Variants in GBA2 observed in about 807,000 individuals in gnomAD.
GBA2 encodes glucosylceramidase beta 2, also known as non-lysosomal glucosylceramidase.
A neutral mutation model predicts 112.9 loss-of-function variants in GBA2; 79 were observed. That is an observed-to-expected ratio of 0.70 (90% CI 0.58 to 0.84). The LOEUF (loss-of-function observed/expected upper bound fraction) is 0.84, where lower values mean the gene tolerates loss of function less well. Ranked by LOEUF, GBA2 falls within the 40% of genes least tolerant of loss-of-function variation. The pLI is 0.00. For synonymous variants in GBA2, 403 were observed against 434.3 expected, an observed-to-expected ratio of 0.93 and a Z score of 0.90; for missense variants, 1,043 against 1,190.0, an observed-to-expected ratio of 0.88 and a Z score of 1.82.
chr9:35,747,687 C>G (rs1827043948), intron 1 of GBA2, among the ~76,000 whole-genome samples: 1 of 152,236 alleles, frequency 6.6e-6, no homozygotes, highest in African/African-American at 2.4e-5. Flanking sequence ...CTCCTCATCA[C>G]TAGTCTTTGA....
rs190752684 is a variant in GBA2 at position 35,742,258 on chromosome 9, C to A, written c.568-368G>T. ...CCCCATGGCCCTCAGGCTAAAGTCT[C>A]AACTCTTGCCTGGCTTTCAAGGCCC... On this transcript the variant is annotated intron_variant, in intron 3 of 16. Transcript: ENST00000378103. Among the ~76,000 whole-genome samples the A allele has an allele frequency of 3.1e-3, 476 of 152,312 alleles. 2 individuals are homozygous for A. Among genetic ancestry groups the A allele is most frequent in the South Asian group, 0.014 (66 of 4,826 alleles).
intron 1 of GBA2, 141 bp from the exon 2 acceptor site, chr9:35,744,847 T>C (rs1588024034): frequency 1.6e-6 from 1 of 643,116 alleles, no homozygotes; most frequent in African/African-American, 1.8e-5. Flanking sequence ...TTGATTTCTA[T>C]ACAGTTCAAG....
At position 35,748,276 on chromosome 9, in the gene GBA2, ACCT is replaced by A. The variant is rs1347756598; in HGVS notation, c.359+67_359+69del. On this transcript the variant is annotated intron_variant, in intron 1 of 16. Coordinates refer to ENST00000378103, the MANE Select transcript of GBA2 (RefSeq NM_020944.3). The stretch of plus-strand genomic sequence containing the variant: ...CCCAACTGCTTTCTTGCCCTTTCCC[ACCT>A]CTGCTAGAAGTTTTGAGCTGGAACA... 57 of 951,606 alleles carry A rather than the reference ACCT, an allele frequency of 6.0e-5. No homozygotes were observed. In the East Asian group the frequency reaches 1.3e-3, roughly 23 times the overall value. 58.9% of individuals were successfully genotyped at this position (951,606 alleles called of 1,614,324 possible). A position where few individuals can be genotyped will look rare whatever the true frequency, so the allele number is the denominator to read the frequency against.
chr9:35,748,311 A>G (rs775137401), intron 1 of GBA2, 35 bp downstream of exon 1: 1 of 1,316,684 alleles, frequency 7.6e-7, no homozygotes, highest in Non-Finnish European at 1.1e-6. Flanking sequence ...AACAAAGTGA[A>G]GCCAAAGGCA....
rs563054828 is a variant in GBA2 at position 35,738,885 on chromosome 9, C to T, written c.1814G>A (p.Arg605His). 2.7e-5 allele frequency: 44 copies of T among 1,614,086 alleles called. 1 individual carries two copies. In the East Asian group the frequency reaches 4.5e-4, roughly 16 times the overall value. The change falls in exon 12 of 17, where the codon CGC becomes CAC. Residue 605 changes from arginine (R) to histidine (H), a missense_variant. Coordinates refer to ENST00000378103, the MANE Select transcript of GBA2 (RefSeq NM_020944.3). ...ATCATGGATTAAATATGCATTGACGCGGAGCCATGGTTCATCATCTGTGGG... is the reference window on the plus strand; with the variant it reads ...ATCATGGATTAAATATGCATTGACGTGGAGCCATGGTTCATCATCTGTGGG... ...IGDPDDEPWL[R>H]VNAYLIHDTA...
rs1588015420 is a variant in GBA2, at chr9:35,740,964, C to T, written c.887G>A (p.Gly296Asp). The T allele has an allele frequency of 6.2e-7, 1 of 1,614,162 alleles. No homozygotes were observed. The highest frequency in any genetic ancestry group is 8.5e-7 in the Non-Finnish European group (1 of 1,179,982). Residue 296 changes from glycine to aspartate, a missense_variant, in exon 5 of 17, where the codon GGT (glycine) becomes GAT (aspartate). By Grantham distance (94) the Gly-to-Asp change is moderately conservative (BLOSUM62 -1). Coordinates refer to ENST00000378103, the MANE Select transcript of GBA2 (RefSeq NM_020944.3). The surrounding 1 kb of genome is among the most constrained non-coding windows in gnomAD (Gnocchi z 4.7). Reference protein sequence around the residue: ...SIMFSMRNGLGGGDDAPGGLW... With the variant: ...SIMFSMRNGLDGGDDAPGGLW... ...ACCCCCTGGGGCATCGTCTCCACCA[C>T]CCAGTCCATTCCGCATGGAGAACAT... is the stretch of plus-strand genomic sequence containing the variant.
rs374440648 is a variant in GBA2 at position 35,737,775 on chromosome 9, G to A, written c.2478C>T (p.Tyr826=). 61 of 1,613,906 alleles carry A rather than the reference G, an allele frequency of 3.8e-5. No homozygotes were observed. Among genetic ancestry groups the A allele is most frequent in the African/African-American group, 3.7e-4 (28 of 75,002 alleles). Reference sequence around the variant, plus strand: ...CTTGGATCATGGTAGCTGCCAGCCCGTAGACCACACCCACCCAGACTTCAT... The same window carrying A: ...CTTGGATCATGGTAGCTGCCAGCCCATAGACCACACCCACCCAGACTTCAT... ...QSDEVWVGVV[Y]GLAATMIQEG... Residue 826 remains tyrosine, a synonymous_variant, in exon 16 of 17, where the codon TAC becomes TAT. Transcript: ENST00000378103. The surrounding 1 kb of genome is among the most constrained non-coding windows in gnomAD (Gnocchi z 4.1).
chr9:35,744,250 T>A, intron 3 of GBA2, 47 bp downstream of exon 3: 2 of 1,039,436 alleles, frequency 1.9e-6, no homozygotes, highest in Non-Finnish European at 3.0e-6. Context: ...CCTTCCTTCT[T>A]GGCCTGGGGA....
intron 3 of GBA2, among the ~76,000 whole-genome samples, chr9:35,742,916 C>G (rs914483474): frequency 6.6e-6 from 1 of 152,142 alleles, no homozygotes; most frequent in Non-Finnish European, 1.5e-5. Context: ...ATTCAACCAA[C>G]CAAATCTAAA....
In GBA2 at chr9:35,741,500, G is replaced by A. The variant is rs1030397061; in HGVS notation, c.786+172C>T. ...ATTTTTAGTAGATATGGGGTTTCAC[G>A]TGTTAGCCAGGATGGTCTCGATCTC... On this transcript the variant is annotated intron_variant, in intron 4 of 16. Transcript: ENST00000378103. The surrounding 1 kb of genome is among the most constrained non-coding windows in gnomAD (Gnocchi z 4.6). The A allele has an allele frequency of 8.7e-5, 55 of 635,836 alleles. No individual in the cohort carries two copies. Among genetic ancestry groups the A allele is most frequent in the South Asian group, 2.8e-4 (16 of 56,266 alleles). 39.4% of individuals were successfully genotyped at this position (635,836 alleles called of 1,614,324 possible).
Position 35,737,704 on chromosome 9 carries a change from G to A in GBA2, c.2505+44C>T. On this transcript the variant is annotated intron_variant, in intron 16 of 16. Coordinates refer to ENST00000378103, the MANE Select transcript of GBA2 (RefSeq NM_020944.3). The surrounding 1 kb of genome is among the most constrained non-coding windows in gnomAD (Gnocchi z 4.1). ...TTTGGTGGTTGAGGAAGTTTTCTGG[G>A]CCAGGATACAGATGGTGGAGAGATG... The A allele has an allele frequency of 1.2e-6, 2 of 1,609,844 alleles. No individual in the cohort carries two copies. Among genetic ancestry groups the A allele is most frequent in the Non-Finnish European group, 1.7e-6 (2 of 1,176,054 alleles).
rs1292105151 is a variant in GBA2, at chr9:35,739,625, T to C, written c.1582+3A>G. The C allele has an allele frequency of 1.2e-6, 2 of 1,613,262 alleles. No individual in the cohort carries two copies. The highest frequency in any genetic ancestry group is 1.7e-5 in the Admixed American group (1 of 59,984). On this transcript the variant is annotated splice_donor_region_variant and intron_variant, in intron 9 of 16. Transcript: ENST00000378103. ...CATATCCCAGCCCACCAGCATCCTGTACCCTCAAGGTAGCCAAATCGACCG... is the reference window on the plus strand; with the variant it reads ...CATATCCCAGCCCACCAGCATCCTGCACCCTCAAGGTAGCCAAATCGACCG...
chr9:35,746,901 G>A lies in GBA2; in HGVS notation c.359+1445C>T, dbSNP rs1826996578. 6.6e-6 allele frequency among the ~76,000 whole-genome samples: 1 copy of A among 152,164 alleles called. No homozygotes were observed. Among genetic ancestry groups the A allele is most frequent in the Non-Finnish European group, 1.5e-5 (1 of 68,020 alleles). On this transcript the variant is annotated intron_variant, in intron 1 of 16. Coordinates refer to ENST00000378103, the MANE Select transcript of GBA2 (RefSeq NM_020944.3). This position sits in a 1 kb window ranked among gnomAD's most constrained non-coding sequence, Gnocchi z 5.2. ...TGGAAGGGAGAACAATTGAAATTGA[G>A]TTCTTACGAAGGTAAGACCCAGAGA...
intron 3 of GBA2, 70 bp downstream of exon 3, chr9:35,744,227 C>T (rs1043152198): frequency 3.0e-5 from 25 of 844,974 alleles, no homozygotes; most frequent in Non-Finnish European, 5.1e-5. Flanking sequence ...ACCTTCTACA[C>T]TAGCCAAGAG....
intron 2 of GBA2, 94 bp from the exon 3 acceptor site, chr9:35,744,506 C>T: frequency 9.4e-7 from 1 of 1,061,404 alleles, no homozygotes; most frequent in South Asian, 1.3e-5. Flanking sequence ...CTCTGAAAAC[C>T]TAGGGGATGG....
At position 35,738,287 on chromosome 9, in the gene GBA2, CTT is replaced by C; in HGVS notation, c.2140_2141del (p.Lys714ValfsTer13). ...GGCCCCGGCTGAGGATAGAAGAAAA[CTT>C]ATCCTGGATGTCCTGTGCCCCACAC... is the stretch of plus-strand genomic sequence containing the variant. ...ALCGAQDIQD[K>X]FSSILSRGQE... On this transcript the variant is annotated frameshift_variant, in exon 14 of 17. Transcript: ENST00000378103. LOFTEE classifies it high-confidence loss of function. 6.2e-7 allele frequency: 1 copy of C among 1,614,142 alleles called. No individual in the cohort carries two copies. Among genetic ancestry groups the C allele is most frequent in the Non-Finnish European group, 8.5e-7 (1 of 1,179,974 alleles).
chr9:35,736,975 G>T lies in GBA2; in HGVS notation c.*194C>A, dbSNP rs1826242650. ...TTCACGCAGTCAGGGAACAGGTGAG[G>T]AAAGAAATAAATAAGTGATTCTAAT... On this transcript the variant is annotated 3_prime_UTR_variant, in exon 17 of 17. Coordinates refer to ENST00000378103, the MANE Select transcript of GBA2 (RefSeq NM_020944.3). 3.3e-6 allele frequency: 3 copies of T among 901,812 alleles called. No homozygotes were observed. The highest frequency in any genetic ancestry group is 4.9e-6 in the Non-Finnish European group (3 of 611,020). 55.9% of individuals were successfully genotyped at this position (901,812 alleles called of 1,614,324 possible). A position where few individuals can be genotyped will look rare whatever the true frequency, so the allele number is the denominator to read the frequency against.
At position 35,737,538 on chromosome 9, in the gene GBA2, C is replaced by A; in HGVS notation, c.2506-91G>T. On this transcript the variant is annotated intron_variant, in intron 16 of 16. Transcript: ENST00000378103. This position sits in a 1 kb window ranked among gnomAD's most constrained non-coding sequence, Gnocchi z 4.1. ...TAGATGGAGGCAGTAGAGTCTTTGC[C>A]TTCAAGGAGCTCCCAGCAAGTGGAG... is the stretch of plus-strand genomic sequence containing the variant. 1 of 1,561,322 alleles carries A rather than the reference C, an allele frequency of 6.4e-7. No individual in the cohort carries two copies. The highest frequency in any genetic ancestry group is 8.7e-7 in the Non-Finnish European group (1 of 1,151,596).
Position 35,738,788 on chromosome 9 carries a change from A to G in GBA2, c.1911T>C (p.Asp637=). The G allele has an allele frequency of 6.2e-7, 1 of 1,614,176 alleles. No individual in the cohort carries two copies. The highest frequency in any genetic ancestry group is 2.2e-5 in the East Asian group (1 of 44,886). Residue 637 remains aspartate, a synonymous_variant, in exon 12 of 17, where the codon GAT becomes GAC. Coordinates refer to ENST00000378103, the MANE Select transcript of GBA2 (RefSeq NM_020944.3). ...GCCACATGTCCTTCAGGAAGTTTTGATCACCCGTGAGGTAATAGTCCCGAT... is the reference window on the plus strand; with the variant it reads ...GCCACATGTCCTTCAGGAAGTTTTGGTCACCCGTGAGGTAATAGTCCCGAT... ...QVYRDYYLTG[D]QNFLKDMWPV...
Sources: allele counts gnomAD v4.1 joint callset (sites outside exome capture counted in the v4.1 genomes callset), GRCh38; gene constraint gnomAD v4.1.1; non-coding constraint Gnocchi (gnomAD v3.1); transcripts MANE v1.5; gene names NCBI Gene and HGNC (gene_info 2026-07-23, HGNC 2026-07-21).